The following MAGI3 variants were observed in gnomAD, a reference collection of about 807,000 sequenced individuals.
MAGI3 encodes the protein membrane-associated guanylate kinase, WW and PDZ domain-containing protein 3.
Under a neutral mutation model 121.8 loss-of-function variants are expected in MAGI3, and 43 were observed. That is an observed-to-expected ratio of 0.35 (90% CI 0.28 to 0.46). The LOEUF is 0.46. Ranked by LOEUF, MAGI3 falls within the 20% of genes least tolerant of loss-of-function variation. MAGI3 has a pLI of 1.00. For missense variants in MAGI3, 1,547 were observed against 1,797.3 expected, an observed-to-expected ratio of 0.86 and a Z score of 2.52; for synonymous variants, 553 against 639.3, an observed-to-expected ratio of 0.86 and a Z score of 2.04.
chr1:113,619,889 T>G (rs1338152589), intron 8 of MAGI3, 59 bp downstream of exon 8: 2 of 1,237,556 alleles, frequency 1.6e-6, no homozygotes, highest in Non-Finnish European at 2.4e-6. Flanking sequence ...GTATGCTGAG[T>G]TAATAAAAGT....
At chr1:113,406,323 C>T (rs1183616683) in intron 1 of MAGI3, among the ~76,000 whole-genome samples, 1 of 149,454 alleles carries the variant, frequency 6.7e-6, no homozygotes, top group Non-Finnish European at 1.5e-5. Flanking sequence ...TGGCACGTGC[C>T]TGTAGTTCCA....
At chr1:113,633,764 C>G (rs1431724010) in intron 9 of MAGI3, among the ~76,000 whole-genome samples, 2 of 152,142 alleles carry the variant, frequency 1.3e-5, no homozygotes, top group African/African-American at 4.8e-5. Context: ...AATGGGATGG[C>G]TGGGTCAAAT....
intron 1 of MAGI3, among the ~76,000 whole-genome samples, chr1:113,545,010 G>A (rs747501718): frequency 6.6e-6 from 1 of 151,296 alleles, no homozygotes; most frequent in African/African-American, 2.4e-5. Context: ...GACGGACTCA[G>A]GTATAATCGT....
intron 15 of MAGI3, among the ~76,000 whole-genome samples, chr1:113,654,897 A>G (rs1426305608): frequency 6.6e-6 from 1 of 152,226 alleles, no homozygotes; most frequent in Non-Finnish European, 1.5e-5. Flanking sequence ...AGTGGTTGCT[A>G]AAACCTTAGT....
At chr1:113,424,026 C>T (rs1652868978) in intron 1 of MAGI3, among the ~76,000 whole-genome samples, 1 of 152,120 alleles carries the variant, frequency 6.6e-6, no homozygotes, top group African/African-American at 2.4e-5. Context: ...AGGGGGTTTC[C>T]CGCCCTGCAA....
rs1648371046 is a variant in MAGI3 at position 113,683,791 on chromosome 1, A to T, written c.4223A>T (p.Glu1408Val). The T allele has an allele frequency of 6.2e-7, 1 of 1,607,890 alleles. No individual in the cohort carries two copies. Among genetic ancestry groups the T allele is most frequent in the Admixed American group, 1.7e-5 (1 of 58,968 alleles). Reference sequence around the variant, plus strand: ...ATAGGAGAAAATGTCCAGCTATCAGAAAAGAGGCTGAAGCAAGAACCTGAA... The same window carrying T: ...ATAGGAGAAAATGTCCAGCTATCAGTAAAGAGGCTGAAGCAAGAACCTGAA... The part of the protein sequence containing the change: ...DKIGENVQLS[E>V]KRLKQEPEEK... The change falls in exon 21 of 21, where the codon GAA becomes GTA. Residue 1408 changes from glutamate to valine, a missense_variant. Glu to Val is a moderately radical substitution (Grantham distance 121). Coordinates refer to ENST00000307546, the MANE Select transcript of MAGI3 (RefSeq NM_001142782.2).
intron 1 of MAGI3, among the ~76,000 whole-genome samples, chr1:113,492,317 A>T (rs1656708958): frequency 6.6e-6 from 1 of 152,184 alleles, no homozygotes; most frequent in South Asian, 2.1e-4. Flanking sequence ...AAAATTCAAT[A>T]CTACTTCATG....
chr1:113,545,914 T>C (rs2101662765), intron 1 of MAGI3, among the ~76,000 whole-genome samples: 1 of 152,292 alleles, frequency 6.6e-6, no homozygotes, highest in Admixed American at 6.5e-5. Flanking sequence ...CCTTGAAATG[T>C]CATTCCTGTG....
At chr1:113,590,433 A>C in intron 4 of MAGI3, 51 bp from the exon 5 acceptor site, 1 of 1,569,124 alleles carries the variant, frequency 6.4e-7, no homozygotes. Context: ...TGTTTGAAGA[A>C]GAATATAACT....
At chr1:113,547,774 C>G (rs1178618678) in intron 1 of MAGI3, among the ~76,000 whole-genome samples, 1 of 152,024 alleles carries the variant, frequency 6.6e-6, no homozygotes, top group Non-Finnish European at 1.5e-5. Flanking sequence ...TTATTTTTAT[C>G]TAAATAAGGC....
At chr1:113,419,310 GA>G (rs1024986844) in intron 1 of MAGI3, among the ~76,000 whole-genome samples, 1 of 152,040 alleles carries the variant, frequency 6.6e-6, no homozygotes, top group Non-Finnish European at 1.5e-5. Context: ...TTATAGATGG[GA>G]AAAACCTGGG....
At chr1:113,653,133 C>CT (rs1373399605) in intron 14 of MAGI3, among the ~76,000 whole-genome samples, 2 of 152,192 alleles carry the variant, frequency 1.3e-5, no homozygotes, top group Non-Finnish European at 2.9e-5. Context: ...TGCCCTGATG[C>CT]TTTAACCTCT....
At chr1:113,416,498 A>T (rs1156273243) in intron 1 of MAGI3, among the ~76,000 whole-genome samples, 2 of 105,652 alleles carry the variant, frequency 1.9e-5, no homozygotes, top group Non-Finnish European at 4.0e-5. Context: ...TATATAATTA[A>T]TAAGGGAATA....
chr1:113,418,747 T>G (rs957030998), intron 1 of MAGI3, among the ~76,000 whole-genome samples: 7 of 152,176 alleles, frequency 4.6e-5, no homozygotes, highest in Non-Finnish European at 7.3e-5. Context: ...GATTAGAGTA[T>G]TTAGACACCT....
chr1:113,640,698 G>A (rs1012968265), intron 9 of MAGI3, among the ~76,000 whole-genome samples: 10 of 151,516 alleles, frequency 6.6e-5, no homozygotes, highest in East Asian at 1.9e-4. Flanking sequence ...ACACAGGGCC[G>A]TGAACAACAA....
chr1:113,602,146 A>G lies in MAGI3; in HGVS notation c.1018+7586A>G, dbSNP rs188515420. ...TAAATGACGAGTTAATGGGTGCAGCACACCAGCATGTCACATGTATACATA... is the reference window on the plus strand; with the variant it reads ...TAAATGACGAGTTAATGGGTGCAGCGCACCAGCATGTCACATGTATACATA... On this transcript the variant is annotated intron_variant, in intron 6 of 20. Transcript: ENST00000307546. Among the ~76,000 whole-genome samples, 952 of 152,196 alleles carry G rather than the reference A, an allele frequency of 6.3e-3. 6 individuals are homozygous for G. The highest frequency in any genetic ancestry group is 0.011 in the Non-Finnish European group (750 of 68,000).
At chr1:113,568,930 A>G (rs1396806714) in intron 2 of MAGI3, among the ~76,000 whole-genome samples, 1 of 152,156 alleles carries the variant, frequency 6.6e-6, no homozygotes, top group Non-Finnish European at 1.5e-5. Flanking sequence ...AAAGATTTAT[A>G]CATTTGACTA....
chr1:113,669,732 G>A (rs1472859160), intron 16 of MAGI3, among the ~76,000 whole-genome samples: 1 of 151,906 alleles, frequency 6.6e-6, no homozygotes, highest in Non-Finnish European at 1.5e-5. Flanking sequence ...GTTTCACCAT[G>A]TTGGCCAGGC....
At chr1:113,430,735 A>G (rs1009927746) in intron 1 of MAGI3, among the ~76,000 whole-genome samples, 5 of 152,200 alleles carry the variant, frequency 3.3e-5, no homozygotes, top group Non-Finnish European at 7.4e-5. Context: ...TCATCAACCA[A>G]ATGAACTGAC....
Sources: gnomAD v4.1 joint callset for allele counts (sites outside exome capture counted in the v4.1 genomes callset) on GRCh38, gnomAD v4.1.1 for gene constraint, MANE v1.5 for transcripts, NCBI Gene and HGNC (gene_info 2026-07-23, HGNC 2026-07-21) for gene names.